CWC27: variants seen among roughly 807,000 people sequenced by gnomAD.
CWC27 encodes the protein spliceosome-associated protein CWC27 homolog.
In CWC27, 47 loss-of-function variants were observed where a neutral mutation model predicts 63.6. The ratio of observed to expected loss-of-function variants is 0.74; its 90% CI spans 0.58 to 0.94. The LOEUF (loss-of-function observed/expected upper bound fraction) is 0.94, where lower values mean the gene tolerates loss of function less well. Among genes scored for constraint, CWC27 ranks in the 40% least tolerant of loss-of-function variants. The pLI, the probability that CWC27 is intolerant of heterozygous loss-of-function variation, is 0.00. For synonymous variants in CWC27, 175 were observed against 179.8 expected, an observed-to-expected ratio of 0.97 and a Z score of 0.22; for missense variants, 495 against 554.3, an observed-to-expected ratio of 0.89 and a Z score of 1.07.
In CWC27 at chr5:64,894,017, C is replaced by T. The variant is rs533231254; in HGVS notation, c.1042+8471C>T. On this transcript the variant is annotated intron_variant, in intron 11 of 13. Transcript: ENST00000381070. ...CGATCTCCACTCACTGCAACTTCCTCCTCCCAGGTTCAAACGATTCTCCTA... is the reference window on the plus strand; with the variant it reads ...CGATCTCCACTCACTGCAACTTCCTTCTCCCAGGTTCAAACGATTCTCCTA... 6.6e-5 allele frequency among the ~76,000 whole-genome samples: 10 copies of T among 151,696 alleles called. No homozygotes were observed. The South Asian group carries it at 1.2e-3, about 19-fold the overall frequency.
chr5:64,880,471 G>A (rs766276416), intron 10 of CWC27, among the ~76,000 whole-genome samples: 4 of 151,914 alleles, frequency 2.6e-5, no homozygotes, highest in Non-Finnish European at 4.4e-5. Flanking sequence ...GGATAGAGGA[G>A]GTAACTGATT....
chr5:64,874,472 T>C (rs1249655413), intron 10 of CWC27, among the ~76,000 whole-genome samples: 1 of 151,760 alleles, frequency 6.6e-6, no homozygotes, highest in Non-Finnish European at 1.5e-5. Flanking sequence ...CCGATGCTTT[T>C]TTTTGTTTGT....
intron 11 of CWC27, among the ~76,000 whole-genome samples, chr5:64,964,733 A>G (rs1012820227): frequency 6.6e-6 from 1 of 152,222 alleles, no homozygotes; most frequent in Admixed American, 6.5e-5. Context: ...AATTAGGCAG[A>G]TTAATAGACA....
At chr5:65,007,411 T>C (rs1392949200) in intron 13 of CWC27, among the ~76,000 whole-genome samples, 1 of 152,190 alleles carries the variant, frequency 6.6e-6, no homozygotes, top group South Asian at 2.1e-4. Flanking sequence ...GATATTGCTC[T>C]ACTTGGGTTG....
At chr5:64,884,228 A>G (rs1302173420) in intron 10 of CWC27, 5 of 152,158 alleles carry the variant, frequency 3.3e-5, no homozygotes, top group African/African-American at 4.8e-5. Context: ...ATTGGCTTTC[A>G]TTATTATGGG....
chr5:64,874,150 G>T (rs1427926811), intron 10 of CWC27, among the ~76,000 whole-genome samples: 2 of 93,968 alleles, frequency 2.1e-5, no homozygotes, highest in Non-Finnish European at 4.1e-5. Context: ...GTCTATTGTT[G>T]ATGCTTTTTT....
At chr5:64,989,955 C>G (rs762392054) in intron 13 of CWC27, among the ~76,000 whole-genome samples, 4 of 151,002 alleles carry the variant, frequency 2.6e-5, no homozygotes, top group Non-Finnish European at 5.9e-5. Flanking sequence ...GTATTTGGCT[C>G]AGTTAATCTG....
intron 13 of CWC27, among the ~76,000 whole-genome samples, chr5:64,995,694 T>C (rs548313241): frequency 2.0e-5 from 3 of 152,240 alleles, no homozygotes; most frequent in Admixed American, 2.0e-4. Flanking sequence ...TATTTTACAT[T>C]GATTTCTTTG....
At chr5:64,829,223 A>G (rs1169403340) in intron 10 of CWC27, among the ~76,000 whole-genome samples, 1 of 151,948 alleles carries the variant, frequency 6.6e-6, no homozygotes, top group Non-Finnish European at 1.5e-5. Context: ...TTTTCTTGTG[A>G]GATTATTTGT....
chr5:64,920,152 A>G (rs1191290167), intron 11 of CWC27, among the ~76,000 whole-genome samples: 13 of 151,686 alleles, frequency 8.6e-5, no homozygotes, highest in Admixed American at 1.3e-4. Context: ...TTTTTTTTGT[A>G]GAGACAGGGT....
At chr5:64,866,218 G>T (rs76280600) in intron 10 of CWC27, among the ~76,000 whole-genome samples, 1 of 151,944 alleles carries the variant, frequency 6.6e-6, no homozygotes, top group Non-Finnish European at 1.5e-5. Flanking sequence ...TGATTTGAAC[G>T]TATGATTCAG....
chr5:64,924,183 A>G (rs1748058068), intron 11 of CWC27, among the ~76,000 whole-genome samples: 1 of 152,164 alleles, frequency 6.6e-6, no homozygotes, highest in African/African-American at 2.4e-5. Context: ...TCCCAGCTTC[A>G]TCTCATTCTA....
At chr5:64,983,662 C>T (rs983766451) in intron 13 of CWC27, among the ~76,000 whole-genome samples, 10 of 152,348 alleles carry the variant, frequency 6.6e-5, no homozygotes, top group African/African-American at 2.4e-4. Flanking sequence ...TACCCGTTGT[C>T]ACTGGCCTAG....
chr5:64,795,612 C>T lies in CWC27; in HGVS notation c.670-4636C>T, dbSNP rs933489933. On this transcript the variant is annotated intron_variant, in intron 7 of 13. Coordinates refer to ENST00000381070, the MANE Select transcript of CWC27 (RefSeq NM_005869.4). ...CAAAGCCAGCAATAACTGGTGAAGTCTTTCCCATGCTGCATTACTCTAAAA... is the reference window on the plus strand; with the variant it reads ...CAAAGCCAGCAATAACTGGTGAAGTTTTTCCCATGCTGCATTACTCTAAAA... Among the ~76,000 whole-genome samples the T allele has an allele frequency of 1.1e-4, 16 of 152,138 alleles. 1 individual carries two copies. Among genetic ancestry groups the T allele is most frequent in the African/African-American group, 3.9e-4 (16 of 41,436 alleles).
chr5:64,855,335 A>G (rs1425689915), intron 10 of CWC27, among the ~76,000 whole-genome samples: 2 of 152,164 alleles, frequency 1.3e-5, no homozygotes, highest in Non-Finnish European at 2.9e-5. Context: ...AGTGTTTGCA[A>G]CTAGAAAACA....
intron 10 of CWC27, among the ~76,000 whole-genome samples, chr5:64,821,859 A>T (rs1264242454): frequency 6.6e-6 from 1 of 152,228 alleles, no homozygotes; most frequent in Non-Finnish European, 1.5e-5. Context: ...ATGAGGGTTA[A>T]GGAATGGGAT....
At chr5:64,940,511 TC>T in intron 11 of CWC27, among the ~76,000 whole-genome samples, 1 of 152,304 alleles carries the variant, frequency 6.6e-6, no homozygotes, top group Admixed American at 6.5e-5. Flanking sequence ...TCACCCGCCT[TC>T]TGCATTGATC....
chr5:64,846,239 T>G (rs1745974292), intron 10 of CWC27, among the ~76,000 whole-genome samples: 1 of 152,216 alleles, frequency 6.6e-6, no homozygotes, highest in Non-Finnish European at 1.5e-5. Flanking sequence ...AGTGCCATAT[T>G]CAGAAAACTG....
intron 11 of CWC27, among the ~76,000 whole-genome samples, chr5:64,962,070 A>C (rs2112434470): frequency 6.6e-6 from 1 of 152,306 alleles, no homozygotes; most frequent in South Asian, 2.1e-4. Flanking sequence ...GAATTATTTT[A>C]AATGTCTTGT....
Sources: gnomAD v4.1 joint callset for allele counts (sites outside exome capture counted in the v4.1 genomes callset) on GRCh38, gnomAD v4.1.1 for gene constraint, MANE v1.5 for transcripts, NCBI Gene and HGNC (gene_info 2026-07-23, HGNC 2026-07-21) for gene names.